The following UBR4 variants were observed in gnomAD, a reference collection of about 807,000 sequenced individuals.
UBR4 encodes ubiquitin protein ligase E3 component n-recognin 4, also known as E3 ubiquitin-protein ligase UBR4.
In UBR4, 124 loss-of-function variants were observed where a neutral mutation model predicts 575.6. The ratio of observed to expected loss-of-function variants is 0.22; its 90% confidence interval spans 0.19 to 0.25. UBR4 has a LOEUF of 0.25. Among genes scored for constraint, UBR4 ranks in the 10% least tolerant of loss-of-function variants. The pLI is 1.00. For synonymous variants in UBR4, 2,455 were observed against 2,473.7 expected, an observed-to-expected ratio of 0.99 and a Z score of 0.22; for missense variants, 4,818 against 6,478.8, an observed-to-expected ratio of 0.74 and a Z score of 8.80.
At chr1:19,092,791 C>T in intron 97 of UBR4, 28 bp downstream of exon 97, 1 of 1,582,136 alleles carries the variant, frequency 6.3e-7, no homozygotes, top group Non-Finnish European at 8.6e-7. Flanking sequence ...ACCCCTGTAC[C>T]CTCACACTAC....
chr1:19,169,989 T>C (rs1472387121), intron 26 of UBR4, among the ~76,000 whole-genome samples: 1 of 152,226 alleles, frequency 6.6e-6, no homozygotes, highest in Non-Finnish European at 1.5e-5. Context: ...ACTATCTGAA[T>C]GTTAAATGAA....
Position 19,177,575 on chromosome 1 carries a change from G to T in UBR4, c.2523C>A (p.Ser841Arg). 6.2e-7 allele frequency: 1 copy of T among 1,613,892 alleles called. No individual in the cohort carries two copies. Residue 841 changes from serine (S) to arginine (R), a missense_variant, in exon 19 of 106, where the codon AGC becomes AGA. Coordinates refer to ENST00000375254, the MANE Select transcript of UBR4 (RefSeq NM_020765.3). Reference protein sequence around the residue: ...SLFVQIIQELSVNMDAQMRFV... With the variant: ...SLFVQIIQELRVNMDAQMRFV... The stretch of plus-strand genomic sequence containing the variant: ...AGCGCATCTGAGCATCCATGTTGAC[G>T]CTCAACTCCTGGATGATCTGGACAA...
chr1:19,190,292 CAA>C (rs1184892281), intron 11 of UBR4, among the ~76,000 whole-genome samples: 5 of 40,374 alleles, frequency 1.2e-4, no homozygotes, highest in African/African-American at 3.6e-4. Context: ...GACTCTGCCT[CAA>C]AAAAAAAAAA....
intron 87 of UBR4, among the ~76,000 whole-genome samples, chr1:19,103,287 TAA>T (rs1032413131): frequency 2.6e-5 from 4 of 152,160 alleles, no homozygotes; most frequent in African/African-American, 9.7e-5. Flanking sequence ...TGTGAATTTT[TAA>T]AAAGAGACCT....
intron 39 of UBR4, among the ~76,000 whole-genome samples, chr1:19,159,603 C>CTTT (rs35082539): frequency 3.6e-5 from 5 of 139,718 alleles, no homozygotes; most frequent in Non-Finnish European, 6.3e-5. Flanking sequence ...AGCCCCACTC[C>CTTT]TTTTTTTTTT....
chr1:19,160,884 G>A (rs200942065), intron 38 of UBR4, 33 bp downstream of exon 38: 30 of 1,604,334 alleles, frequency 1.9e-5, no homozygotes, highest in Admixed American at 1.5e-4. Flanking sequence ...TCTGAACTCT[G>A]TCTGCTTACT....
rs199663944 is a variant in UBR4 at position 19,100,042 on chromosome 1, G to A, written c.13221+334C>T. On this transcript the variant is annotated intron_variant, in intron 89 of 105. Coordinates refer to ENST00000375254, the MANE Select transcript of UBR4 (RefSeq NM_020765.3). This position sits in a 1 kb window ranked among gnomAD's most constrained non-coding sequence, Gnocchi z 4.2. ...CATAAACCTGCACAGGGGGTAAAACGCCAATATTTAGGGGGCTCAGGTAAC... is the reference window on the plus strand; with the variant it reads ...CATAAACCTGCACAGGGGGTAAAACACCAATATTTAGGGGGCTCAGGTAAC... 9 of 421,324 alleles carry A rather than the reference G, an allele frequency of 2.1e-5. No individual in the cohort carries two copies. The highest frequency in any genetic ancestry group is 1.2e-4 in the East Asian group (3 of 24,010). The allele number at this position is 421,324 out of a possible 1,614,324, so 26.1% of individuals were successfully genotyped here.
At chr1:19,101,494 G>A (rs778705677) in intron 88 of UBR4, 26 bp downstream of exon 88, 2 of 1,592,234 alleles carry the variant, frequency 1.3e-6, no homozygotes, top group Admixed American at 1.7e-5. Context: ...ACACTCGAGA[G>A]CCATGGGAAG....
At chr1:19,122,161 G>A in intron 66 of UBR4, 149 bp from the exon 67 acceptor site, 2 of 770,430 alleles carry the variant, frequency 2.6e-6, no homozygotes, top group South Asian at 3.2e-5. Context: ...GAGATGTCTG[G>A]TCAACCTGGG....
Position 19,117,385 on chromosome 1 carries a change from G to A in UBR4, c.10659C>T (p.Asp3553=). The A allele has an allele frequency of 1.2e-6, 2 of 1,614,172 alleles. No individual in the cohort carries two copies. Among genetic ancestry groups the A allele is most frequent in the East Asian group, 2.2e-5 (1 of 44,882 alleles). ...CYIKLSSIKV[D]TRYTTTQQVV... ...CCTGCTGGGTGGTGGTGTACCGCGTGTCCACTTTAATGGAAGACAGCTTGA... is the reference window on the plus strand; with the variant it reads ...CCTGCTGGGTGGTGGTGTACCGCGTATCCACTTTAATGGAAGACAGCTTGA... The change falls in exon 73 of 106, where the codon GAC becomes GAT. Residue 3553 remains aspartate, a synonymous_variant. Coordinates refer to ENST00000375254, the MANE Select transcript of UBR4 (RefSeq NM_020765.3). This position sits in a 1 kb window ranked among gnomAD's most constrained non-coding sequence, Gnocchi z 4.0.
intron 59 of UBR4, among the ~76,000 whole-genome samples, chr1:19,138,549 T>A (rs538752734): frequency 4.5e-4 from 68 of 152,322 alleles, no homozygotes; most frequent in African/African-American, 1.5e-3. Context: ...CAGACTGATA[T>A]GGAAGGTCAA....
At chr1:19,115,192 T>TGC (rs1187529929) in intron 74 of UBR4, among the ~76,000 whole-genome samples, 5 of 70,742 alleles carry the variant, frequency 7.1e-5, no homozygotes, top group South Asian at 9.4e-4. Context: ...CACACTCGTG[T>TGC]GCACATGCAC....
chr1:19,209,775 G>A (rs963618504), intron 1 of UBR4, among the ~76,000 whole-genome samples: 1 of 152,208 alleles, frequency 6.6e-6, no homozygotes, highest in African/African-American at 2.4e-5. Flanking sequence ...GCAGCCCCGT[G>A]AACATTCCCT....
At chr1:19,201,296 C>T (rs772624119) in intron 2 of UBR4, among the ~76,000 whole-genome samples, 18 of 151,964 alleles carry the variant, frequency 1.2e-4, no homozygotes, top group Admixed American at 2.6e-4. Flanking sequence ...CCTTCATATA[C>T]CAGAGAACAC....
At chr1:19,126,698 A>G (rs1376370534) in intron 63 of UBR4, 43 bp from the exon 64 acceptor site, 12 of 1,598,864 alleles carry the variant, frequency 7.5e-6, no homozygotes, top group Admixed American at 5.0e-5. Context: ...AATGGCTTGT[A>G]AAAACAATGT....
In UBR4 at chr1:19,077,993, T is replaced by C. The variant is rs755010257; in HGVS notation, c.15307A>G (p.Ile5103Val). Residue 5103 changes from isoleucine to valine, a missense_variant, in exon 104 of 106, where the codon ATT (isoleucine) becomes GTT (valine). Physicochemically the swap from Ile to Val is conservative, Grantham distance 29. Coordinates refer to ENST00000375254, the MANE Select transcript of UBR4 (RefSeq NM_020765.3). ...SLLFWALVDL[I>V]YNMFKKVPTS... ...CTCCTTACCTTAAACATGTTGTAAATGAGATCGACGAGGGCCCAAAAGAGA... is the reference window on the plus strand; with the variant it reads ...CTCCTTACCTTAAACATGTTGTAAACGAGATCGACGAGGGCCCAAAAGAGA... 1.4e-5 allele frequency: 22 copies of C among 1,613,742 alleles called. No individual in the cohort carries two copies. Among genetic ancestry groups the C allele is most frequent in the Non-Finnish European group, 1.7e-5 (20 of 1,179,920 alleles).
chr1:19,121,389 C>G lies in UBR4; in HGVS notation c.9941G>C (p.Gly3314Ala). 6.2e-7 allele frequency: 1 copy of G among 1,614,070 alleles called. No homozygotes were observed. The highest frequency in any genetic ancestry group is 8.5e-7 in the Non-Finnish European group (1 of 1,179,978). The change falls in exon 68 of 106, where the codon GGC becomes GCC. Residue 3314 changes from glycine to alanine, a missense_variant. This residue lies in a region of UBR4 where 550 missense variants were observed against 791.5 expected (regional missense o/e 0.69). Coordinates refer to ENST00000375254, the MANE Select transcript of UBR4 (RefSeq NM_020765.3). Reference sequence around the variant, plus strand: ...CAGTTGCAGCAGCACTGGGGACACGCCCTCATCCACAAGGAAACTGACTTG... The same window carrying G: ...CAGTTGCAGCAGCACTGGGGACACGGCCTCATCCACAAGGAAACTGACTTG... ...LLQVSFLVDE[G>A]VSPVLLQLLS...
Position 19,156,846 on chromosome 1 carries a change from G to C in UBR4, c.5840C>G (p.Ser1947Cys). Residue 1947 changes from serine to cysteine, a missense_variant, in exon 41 of 106, where the codon TCT becomes TGT. Ser to Cys is a moderately radical substitution (Grantham distance 112). Coordinates refer to ENST00000375254, the MANE Select transcript of UBR4 (RefSeq NM_020765.3). ...CAACACAGTAAAAGGAACTGGGGCA[G>C]AAGCCAAGCGGGTCAGAGTTAACTT... ...KRKLTLTRLASAPVPFTVLSL... is the reference protein window; with the variant it reads ...KRKLTLTRLACAPVPFTVLSL... The C allele has an allele frequency of 6.2e-7, 1 of 1,614,202 alleles. No individual in the cohort carries two copies. The highest frequency in any genetic ancestry group is 1.1e-5 in the South Asian group (1 of 91,086).
chr1:19,160,344 T>A, intron 38 of UBR4, 63 bp from the exon 39 acceptor site: 3 of 1,433,394 alleles, frequency 2.1e-6, no homozygotes, highest in Non-Finnish European at 2.8e-6. Flanking sequence ...TGGATAATAC[T>A]TGTAAAAATC....
Sources: allele counts gnomAD v4.1 joint callset (sites outside exome capture counted in the v4.1 genomes callset), GRCh38; gene constraint gnomAD v4.1.1; regional missense constraint gnomAD v4.1.1; non-coding constraint Gnocchi (gnomAD v3.1); transcripts MANE v1.5; gene names NCBI Gene and HGNC (gene_info 2026-07-23, HGNC 2026-07-21).